NEDD9: variants seen among roughly 807,000 people sequenced by gnomAD.
The protein encoded by NEDD9 is enhancer of filamentation 1.
Under a neutral mutation model 76.6 loss-of-function variants are expected in NEDD9, and 26 were observed. That is an observed-to-expected ratio of 0.34 (90% confidence interval 0.25 to 0.47). The LOEUF is 0.47. NEDD9 is among the 20% of genes least tolerant of loss of function. NEDD9 has a pLI of 1.00. For missense variants in NEDD9, 937 were observed against 1,058.5 expected, an observed-to-expected ratio of 0.89 and a Z score of 1.59; for synonymous variants, 392 against 414.2, an observed-to-expected ratio of 0.95 and a Z score of 0.65.
intron 2 of NEDD9, among the ~76,000 whole-genome samples, chr6:11,310,542 A>G (rs1361094062): frequency 6.6e-6 from 1 of 152,092 alleles, no homozygotes; most frequent in Non-Finnish European, 1.5e-5. Context: ...CACCAATGCC[A>G]TCTAGACCCT....
intron 1 of NEDD9, among the ~76,000 whole-genome samples, chr6:11,226,490 T>C (rs767685213): frequency 4.6e-5 from 7 of 152,244 alleles, no homozygotes; most frequent in Non-Finnish European, 8.8e-5. Flanking sequence ...TTCAGATTTC[T>C]TTCTGACCCT....
At chr6:11,230,574 A>G (rs1453932969) in intron 1 of NEDD9, among the ~76,000 whole-genome samples, 2 of 152,246 alleles carry the variant, frequency 1.3e-5, no homozygotes, top group Admixed American at 6.5e-5. Context: ...AAAGTTGTTC[A>G]TTATTAACTA....
chr6:11,296,937 C>A (rs1760909457), intron 3 of NEDD9, among the ~76,000 whole-genome samples: 1 of 152,114 alleles, frequency 6.6e-6, no homozygotes, highest in South Asian at 2.1e-4. Flanking sequence ...CCATCTTGCC[C>A]AGGCTAGTCT....
chr6:11,330,241 T>C (rs1201121990), intron 2 of NEDD9, among the ~76,000 whole-genome samples: 1 of 152,234 alleles, frequency 6.6e-6, no homozygotes, highest in Non-Finnish European at 1.5e-5. Context: ...GGTTTATGAC[T>C]GAGAATCCAA....
At chr6:11,340,809 AC>A (rs1440229962) in intron 1 of NEDD9, among the ~76,000 whole-genome samples, 1 of 152,168 alleles carries the variant, frequency 6.6e-6, no homozygotes, top group Non-Finnish European at 1.5e-5. Context: ...TTCTGTTAAA[AC>A]CTAAATCAGT....
At chr6:11,186,921 C>T (rs1016872491) in intron 6 of NEDD9, among the ~76,000 whole-genome samples, 1 of 152,154 alleles carries the variant, frequency 6.6e-6, no homozygotes, top group African/African-American at 2.4e-5. Context: ...CAGCCTTCAA[C>T]AGCTTTACTT....
chr6:11,359,260 G>T (rs1461069107), intron 1 of NEDD9, among the ~76,000 whole-genome samples: 1 of 152,218 alleles, frequency 6.6e-6, no homozygotes, highest in Non-Finnish European at 1.5e-5. Flanking sequence ...GAAACTCTTG[G>T]AGAAACAAGC....
At chr6:11,186,014 T>C (rs1757972647) in intron 6 of NEDD9, among the ~76,000 whole-genome samples, 1 of 152,162 alleles carries the variant, frequency 6.6e-6, no homozygotes, top group African/African-American at 2.4e-5. Context: ...GTTTGGTATG[T>C]AGTAGGCTCT....
At chr6:11,289,158 G>C (rs1392796023) in intron 3 of NEDD9, among the ~76,000 whole-genome samples, 1 of 152,184 alleles carries the variant, frequency 6.6e-6, no homozygotes, top group Non-Finnish European at 1.5e-5. Context: ...TGACTCACAA[G>C]AACAAACATT....
In NEDD9 at chr6:11,375,628, A is replaced by C. The variant is rs115732737; in HGVS notation, c.-214+6511T>G. Among the ~76,000 whole-genome samples, 637 of 152,158 alleles carry C rather than the reference A, an allele frequency of 4.2e-3. 5 individuals are homozygous for C. Among genetic ancestry groups the C allele is most frequent in the East Asian group, 0.039 (203 of 5,158 alleles). On this transcript the variant is annotated intron_variant, in intron 1 of 3. Coordinates refer to the NEDD9 transcript ENST00000397378. Reference sequence around the variant, plus strand: ...ATGGTGAGTGAGTTTTCACTCAGTTAACGCACCCAAGATCTGGTTGTTTAA... The same window carrying C: ...ATGGTGAGTGAGTTTTCACTCAGTTCACGCACCCAAGATCTGGTTGTTTAA...
At chr6:11,215,776 T>C (rs776981397) in intron 1 of NEDD9, among the ~76,000 whole-genome samples, 44 of 152,198 alleles carry the variant, frequency 2.9e-4, no homozygotes, top group South Asian at 6.2e-4. Flanking sequence ...GAGCTGAGGG[T>C]TGGTAGCTGT....
At chr6:11,379,214 C>T (rs1038377257) in intron 1 of NEDD9, among the ~76,000 whole-genome samples, 5 of 152,204 alleles carry the variant, frequency 3.3e-5, no homozygotes, top group Admixed American at 6.5e-5. Context: ...CTAGTCTTCT[C>T]TTAATCAAAC....
At chr6:11,223,933 A>C (rs1759227736) in intron 1 of NEDD9, among the ~76,000 whole-genome samples, 1 of 152,304 alleles carries the variant, frequency 6.6e-6, no homozygotes, top group Admixed American at 6.5e-5. Flanking sequence ...TCGACAGTGG[A>C]TTAATCTCAG....
chr6:11,202,399 T>A (rs984111166), intron 2 of NEDD9, among the ~76,000 whole-genome samples: 1 of 152,220 alleles, frequency 6.6e-6, no homozygotes, highest in African/African-American at 2.4e-5. Context: ...TATAATAACC[T>A]CTTTGTCTTA....
At chr6:11,248,853 G>A (rs1011983244) in intron 3 of NEDD9, 9 of 336,822 alleles carry the variant, frequency 2.7e-5, no homozygotes, top group Non-Finnish European at 4.1e-5. Context: ...CTACAGTACT[G>A]GTATCTGAGG....
rs146030024 is a variant in NEDD9, at chr6:11,350,682, G to A, written c.-213-16121C>T. ...ACATCAACACAATGATTGGCTTATT[G>A]AGCCCCTACTTAGTGCCAGAGGTCA... On this transcript the variant is annotated intron_variant, in intron 1 of 3. Coordinates refer to the NEDD9 transcript ENST00000397378. Among the ~76,000 whole-genome samples the A allele has an allele frequency of 2.4e-3, 366 of 152,316 alleles. 2 individuals are homozygous for A. The highest frequency in any genetic ancestry group is 8.3e-3 in the African/African-American group (347 of 41,568).
intron 3 of NEDD9, among the ~76,000 whole-genome samples, chr6:11,268,725 T>TCACACAAACACACA (rs1162856844): frequency 7.4e-6 from 1 of 135,164 alleles, no homozygotes; most frequent in African/African-American, 2.8e-5. Context: ...CGAAGCTCCA[T>TCACACAAACACACA]CACACACACA....
intron 2 of NEDD9, among the ~76,000 whole-genome samples, chr6:11,328,298 A>G (rs1289362045): frequency 1.3e-5 from 2 of 152,202 alleles, no homozygotes; most frequent in Admixed American, 6.5e-5. Flanking sequence ...TGTCAAAAGT[A>G]TCTCCACTGA....
intron 1 of NEDD9, among the ~76,000 whole-genome samples, chr6:11,356,181 G>A (rs923360949): frequency 2.0e-4 from 30 of 152,160 alleles, no homozygotes; most frequent in African/African-American, 6.3e-4. Context: ...CCTGCTCTCC[G>A]AGGGACCACC....
Sources: gnomAD v4.1 joint callset for allele counts (sites outside exome capture counted in the v4.1 genomes callset) on GRCh38, gnomAD v4.1.1 for gene constraint, MANE v1.5 for transcripts, NCBI Gene and HGNC (gene_info 2026-07-23, HGNC 2026-07-21) for gene names.